Variants in FSTL4 observed in about 807,000 individuals in gnomAD.
The protein encoded by FSTL4 is follistatin-related protein 4.
A neutral mutation model predicts 78.2 loss-of-function variants in FSTL4; 28 were observed. That is an observed-to-expected ratio of 0.36 (90% CI 0.27 to 0.49). The LOEUF (loss-of-function observed/expected upper bound fraction) is 0.49, where lower values mean the gene tolerates loss of function less well. FSTL4 is among the 20% of genes least tolerant of loss of function. FSTL4 has a pLI of 0.98. For synonymous variants in FSTL4, 422 were observed against 440.5 expected (o/e 0.96, Z 0.53); for missense variants, 922 against 1,084.9 (o/e 0.85, Z 2.11).
chr5:133,415,489 A>G (rs1756560427), intron 3 of FSTL4, among the ~76,000 whole-genome samples: 1 of 152,256 alleles, frequency 6.6e-6, no homozygotes, highest in Non-Finnish European at 1.5e-5. Flanking sequence ...TTTCAACTCT[A>G]AACACATAAG....
At chr5:133,389,143 T>G (rs895703733) in intron 4 of FSTL4, among the ~76,000 whole-genome samples, 1 of 152,230 alleles carries the variant, frequency 6.6e-6, no homozygotes, top group African/African-American at 2.4e-5. Context: ...AATGAGCTTC[T>G]GTTTCTTGTA....
chr5:133,780,217 A>G, the FSTL4 span, among the ~76,000 whole-genome samples: 2 of 152,114 alleles, frequency 1.3e-5, no homozygotes, highest in Non-Finnish European at 2.9e-5. Flanking sequence ...AAAGAGCCGC[A>G]GATGTGGGCA....
chr5:133,373,386 G>A (rs897749894), intron 4 of FSTL4, among the ~76,000 whole-genome samples: 3 of 152,258 alleles, frequency 2.0e-5, no homozygotes, highest in Admixed American at 6.5e-5. Context: ...AGTTTTTTCC[G>A]AGGGTAACTT....
chr5:133,603,515 G>A (rs1317153025), intron 2 of FSTL4, among the ~76,000 whole-genome samples: 2 of 151,950 alleles, frequency 1.3e-5, no homozygotes, highest in Non-Finnish European at 2.9e-5. Flanking sequence ...AATTCACATG[G>A]GTGTGCTCCA....
At chr5:133,686,818 C>T in the FSTL4 span, among the ~76,000 whole-genome samples, 1 of 152,188 alleles carries the variant, frequency 6.6e-6, no homozygotes, top group Non-Finnish European at 1.5e-5. Context: ...GTGTAGGCAA[C>T]CCAGGCTGCC....
At chr5:133,680,925 T>C in the FSTL4 span, among the ~76,000 whole-genome samples, 1 of 101,354 alleles carries the variant, frequency 9.9e-6, no homozygotes, top group Admixed American at 9.8e-5. Flanking sequence ...CAGCTCATCA[T>C]GGGCACAGTC....
intron 4 of FSTL4, among the ~76,000 whole-genome samples, chr5:133,390,792 C>T: frequency 6.6e-6 from 1 of 152,200 alleles, no homozygotes; most frequent in South Asian, 2.1e-4. Flanking sequence ...TTTCAGTTAA[C>T]TTGACACAGT....
intron 6 of FSTL4, among the ~76,000 whole-genome samples, chr5:133,305,824 G>C (rs565107548): frequency 3.3e-5 from 5 of 152,148 alleles, no homozygotes; most frequent in African/African-American, 4.8e-5. Flanking sequence ...CCCTGGTCAG[G>C]TTCCTCTGAA....
At chr5:133,553,869 G>A (rs1753513495) in intron 3 of FSTL4, among the ~76,000 whole-genome samples, 1 of 152,194 alleles carries the variant, frequency 6.6e-6, no homozygotes, top group Non-Finnish European at 1.5e-5. Context: ...CCACCCTACA[G>A]AGAAGGGAGA....
At chr5:133,325,669 C>A (rs896200669) in intron 4 of FSTL4, among the ~76,000 whole-genome samples, 1 of 152,148 alleles carries the variant, frequency 6.6e-6, no homozygotes, top group Non-Finnish European at 1.5e-5. Flanking sequence ...AAACCAGACA[C>A]AGGCCATCCC....
At chr5:133,637,240 C>T in the FSTL4 span, among the ~76,000 whole-genome samples, 1 of 151,966 alleles carries the variant, frequency 6.6e-6, no homozygotes, top group African/African-American at 2.4e-5. Flanking sequence ...CTTGCCCTTT[C>T]TTCTCCCTGA....
At chr5:133,708,610 C>T in the FSTL4 span, among the ~76,000 whole-genome samples, 1 of 152,210 alleles carries the variant, frequency 6.6e-6, no homozygotes, top group Non-Finnish European at 1.5e-5. Context: ...AGGAAATCCA[C>T]AGAGGAGGGG....
At chr5:133,356,054 G>A (rs536591235) in intron 4 of FSTL4, among the ~76,000 whole-genome samples, 3 of 152,240 alleles carry the variant, frequency 2.0e-5, no homozygotes, top group Non-Finnish European at 4.4e-5. Context: ...CTGGGTCCTG[G>A]AGGCCAGTTA....
chr5:133,688,157 C>T, the FSTL4 span, among the ~76,000 whole-genome samples: 2 of 152,160 alleles, frequency 1.3e-5, no homozygotes, highest in Non-Finnish European at 2.9e-5. Flanking sequence ...GCCTGTAATC[C>T]CAGCACTTTG....
At chr5:133,563,995 A>G (rs1328029871) in intron 3 of FSTL4, among the ~76,000 whole-genome samples, 1 of 152,166 alleles carries the variant, frequency 6.6e-6, no homozygotes, top group Non-Finnish European at 1.5e-5. Context: ...CCAGTTCTGG[A>G]GGCTGGGAGT....
intron 3 of FSTL4, among the ~76,000 whole-genome samples, chr5:133,492,046 T>C (rs1183719778): frequency 6.6e-6 from 1 of 152,218 alleles, no homozygotes; most frequent in Non-Finnish European, 1.5e-5. Context: ...TCCAACTCTT[T>C]TTTTCCAGAC....
the FSTL4 span, among the ~76,000 whole-genome samples, chr5:133,727,470 A>G: frequency 6.6e-6 from 1 of 152,332 alleles, no homozygotes; most frequent in South Asian, 2.1e-4. Flanking sequence ...CCCACTGGGC[A>G]CACCTGGGGA....
intron 14 of FSTL4, among the ~76,000 whole-genome samples, chr5:133,204,378 A>G (rs1309667551): frequency 6.6e-6 from 1 of 152,234 alleles, no homozygotes; most frequent in Non-Finnish European, 1.5e-5. Flanking sequence ...TAGAAACAAT[A>G]TTAGGATATT....
At chr5:133,825,218 A>G in the FSTL4 span, among the ~76,000 whole-genome samples, 3 of 152,194 alleles carry the variant, frequency 2.0e-5, no homozygotes, top group South Asian at 6.2e-4. Context: ...CACACCCCCC[A>G]GAAACCACAG....
Sources: gnomAD v4.1 joint callset for allele counts (sites outside exome capture counted in the v4.1 genomes callset) on GRCh38, gnomAD v4.1.1 for gene constraint, MANE v1.5 for transcripts, NCBI Gene and HGNC (gene_info 2026-07-23, HGNC 2026-07-21) for gene names.